Variants in SETD2 observed in about 807,000 individuals in gnomAD.
The protein encoded by SETD2 is SET domain containing 2, histone lysine methyltransferase.
A neutral mutation model predicts 242.1 loss-of-function variants in SETD2; 31 were observed. The observed-to-expected ratio is 0.13, with a 90% CI of 0.10 to 0.17. SETD2 has a LOEUF of 0.17. Among genes scored for constraint, SETD2 ranks in the 10% least tolerant of loss-of-function variants. SETD2 has a pLI of 1.00. For synonymous variants in SETD2, 1,006 were observed against 1,066.5 expected (o/e 0.94, Z 1.11); for missense variants, 2,481 against 3,046.3 (o/e 0.81, Z 4.37).
At chr3:47,140,706 C>T (rs1485881423) in intron 1 of SETD2, among the ~76,000 whole-genome samples, 2 of 151,842 alleles carry the variant, frequency 1.3e-5, no homozygotes, top group South Asian at 2.1e-4. Context: ...ACTAAAAATA[C>T]AAAAATTAGC....
Position 47,121,555 on chromosome 3 carries a change from G to A in SETD2, c.3081C>T (p.Ala1027=), listed in dbSNP as rs745989865. 8.7e-6 allele frequency: 14 copies of A among 1,613,974 alleles called. No individual in the cohort carries two copies. Among genetic ancestry groups the A allele is most frequent in the Non-Finnish European group, 1.1e-5 (13 of 1,179,958 alleles). ...YALKCDSSGH[A]PEIVSTVHED... ...CATGAACTGTAGACACAATTTCTGG[G>A]GCATGACCACTACTGTCACACTTTA... Residue 1027 remains alanine, a synonymous_variant, in exon 3 of 21, where the codon GCC becomes GCT. Coordinates refer to ENST00000409792, the MANE Select transcript of SETD2 (RefSeq NM_014159.7).
chr3:47,123,533 C>T lies in SETD2; in HGVS notation c.1103G>A (p.Arg368Gln), dbSNP rs1385695873. 6.4e-6 allele frequency: 10 copies of T among 1,550,436 alleles called. No homozygotes were observed. Among genetic ancestry groups the T allele is most frequent in the Admixed American group, 5.9e-5 (3 of 50,980 alleles). ...TTTATCATCTCTGTCTGTTTTAGAT[C>T]GTGAAGGTTTCCCTAGATCCTCACT... is the stretch of plus-strand genomic sequence containing the variant. ...LKSEDLGKPS[R>Q]SKTDRDDKYF... The change falls in exon 3 of 21, where the codon CGA (arginine) becomes CAA (glutamine). Residue 368 changes from arginine (R) to glutamine (Q), a missense_variant. By Grantham distance (43) the Arg-to-Gln change is conservative. This residue lies in a region of SETD2 where 38 missense variants were observed against 61.0 expected (regional missense o/e 0.62). Transcript: ENST00000409792.
intron 12 of SETD2, among the ~76,000 whole-genome samples, chr3:47,071,701 T>C (rs2040827251): frequency 6.6e-6 from 1 of 150,770 alleles, no homozygotes; most frequent in Non-Finnish European, 1.5e-5. Context: ...CAAATAAAAG[T>C]AAAAGGTAGA....
chr3:47,105,552 CA>C, intron 6 of SETD2: 2 of 267,980 alleles, frequency 7.5e-6, no homozygotes, highest in Non-Finnish European at 1.5e-5. Context: ...TGTCATGCAA[CA>C]GTAACTTCCA....
intron 12 of SETD2, among the ~76,000 whole-genome samples, chr3:47,078,342 C>G (rs2041181015): frequency 6.6e-6 from 1 of 152,046 alleles, no homozygotes; most frequent in Admixed American, 6.6e-5. Flanking sequence ...TACCTGAATC[C>G]AAGCAAAGGA....
chr3:47,163,352 G>A (rs373634020), intron 1 of SETD2: 1 of 152,216 alleles, frequency 6.6e-6, no homozygotes, highest in Non-Finnish European at 1.5e-5. Context: ...GGCCCTTCCG[G>A]TCCGAGGCGC....
In SETD2 at chr3:47,123,986, G is replaced by T. The variant is rs1482249689; in HGVS notation, c.650C>A (p.Thr217Lys). 2 of 1,551,936 alleles carry T rather than the reference G, an allele frequency of 1.3e-6. No individual in the cohort carries two copies. The highest frequency in any genetic ancestry group is 2.0e-5 in the Admixed American group (1 of 51,012). The change falls in exon 3 of 21, where the codon ACA becomes AAA. Residue 217 changes from threonine to lysine, a missense_variant. This residue lies in a region of SETD2 where 334 missense variants were observed against 374.5 expected (regional missense o/e 0.89). Transcript: ENST00000409792. ...PVTEPVALPHTPITVLMAAPV... is the reference protein window; with the variant it reads ...PVTEPVALPHKPITVLMAAPV... Reference sequence around the variant, plus strand: ...TGCTGCCATTAGAACTGTTATTGGTGTATGTGGCAAGGCCACTGGCTCTGT... The same window carrying T: ...TGCTGCCATTAGAACTGTTATTGGTTTATGTGGCAAGGCCACTGGCTCTGT...
At chr3:47,050,227 TATTAA>T (rs1280116976) in intron 15 of SETD2, among the ~76,000 whole-genome samples, 8 of 151,902 alleles carry the variant, frequency 5.3e-5, no homozygotes, top group Admixed American at 2.0e-4. Context: ...TATATGAATA[TATTAA>T]ATTATCACAT....
chr3:47,081,664 T>C (rs1575741274), intron 12 of SETD2, among the ~76,000 whole-genome samples: 1 of 152,226 alleles, frequency 6.6e-6, no homozygotes, highest in African/African-American at 2.4e-5. Flanking sequence ...GTCTGGTTTT[T>C]TTAAGAACCA....
chr3:47,033,016 A>G (rs955984128), intron 18 of SETD2, among the ~76,000 whole-genome samples: 1 of 152,152 alleles, frequency 6.6e-6, no homozygotes, highest in Non-Finnish European at 1.5e-5. Context: ...GCCTATAAAC[A>G]TAAGCCTTGA....
chr3:47,033,046 A>C (rs2038844279), intron 18 of SETD2, among the ~76,000 whole-genome samples: 1 of 152,218 alleles, frequency 6.6e-6, no homozygotes, highest in Admixed American at 6.5e-5. Context: ...TACTAAAAAA[A>C]AATTCAAAGG....
chr3:47,149,844 G>T (rs1330080359), intron 1 of SETD2, among the ~76,000 whole-genome samples: 1 of 152,062 alleles, frequency 6.6e-6, no homozygotes, highest in African/African-American at 2.4e-5. Flanking sequence ...ATAATGAAAA[G>T]AGTTTAAATA....
intron 1 of SETD2, among the ~76,000 whole-genome samples, chr3:47,159,794 G>A (rs898939500): frequency 6.6e-6 from 1 of 152,086 alleles, no homozygotes; most frequent in Non-Finnish European, 1.5e-5. Flanking sequence ...GGCCAAGAAG[G>A]TGAAACCCCA....
intron 17 of SETD2, among the ~76,000 whole-genome samples, chr3:47,038,683 AAAG>A (rs1449199498): frequency 5.3e-5 from 8 of 152,232 alleles, no homozygotes; most frequent in African/African-American, 1.7e-4. Context: ...CCGACTGCAA[AAAG>A]AAGGTTTCGG....
chr3:47,143,868 A>G (rs2043791996), intron 1 of SETD2, among the ~76,000 whole-genome samples: 1 of 151,636 alleles, frequency 6.6e-6, no homozygotes, highest in African/African-American at 2.4e-5. Flanking sequence ...CCACCACCAC[A>G]CCCGGCTAAT....
chr3:47,086,860 C>A (rs1351518106), intron 10 of SETD2, among the ~76,000 whole-genome samples: 1 of 151,500 alleles, frequency 6.6e-6, no homozygotes, highest in Non-Finnish European at 1.5e-5. Context: ...ATAGCAAGAC[C>A]CTTATCTCTA....
At chr3:47,077,293 G>A (rs1238848832) in intron 12 of SETD2, among the ~76,000 whole-genome samples, 4 of 152,088 alleles carry the variant, frequency 2.6e-5, no homozygotes, top group Non-Finnish European at 5.9e-5. Context: ...ATGTTGGCCA[G>A]GCTGGTCTTG....
chr3:47,070,395 G>C (rs1022501595), intron 12 of SETD2, among the ~76,000 whole-genome samples: 3 of 152,048 alleles, frequency 2.0e-5, no homozygotes, highest in African/African-American at 7.2e-5. Context: ...TTCTAGTCAA[G>C]GCTACATACA....
At chr3:47,099,223 C>T (rs1257068056) in intron 8 of SETD2, among the ~76,000 whole-genome samples, 1 of 152,160 alleles carries the variant, frequency 6.6e-6, no homozygotes, top group Non-Finnish European at 1.5e-5. Context: ...ATTAAAACCT[C>T]ATCATATGGT....
Sources: gnomAD v4.1 joint callset for allele counts (sites outside exome capture counted in the v4.1 genomes callset) on GRCh38, gnomAD v4.1.1 for gene constraint, gnomAD v4.1.1 regional missense constraint, MANE v1.5 for transcripts, NCBI Gene and HGNC (gene_info 2026-07-23, HGNC 2026-07-21) for gene names.